The following RBMS3 variants were observed in gnomAD, a reference collection of about 807,000 sequenced individuals.
RBMS3 encodes RNA-binding motif, single-stranded-interacting protein 3.
In RBMS3, 27 loss-of-function variants were observed where a neutral mutation model predicts 66.8. That is an observed-to-expected ratio of 0.40 (90% CI 0.30 to 0.56). The LOEUF (loss-of-function observed/expected upper bound fraction) is 0.56, where lower values mean the gene tolerates loss of function less well. Among genes scored for constraint, RBMS3 ranks in the 20% least tolerant of loss-of-function variants. The pLI is 0.40. For synonymous variants in RBMS3, 188 were observed against 183.0 expected, an observed-to-expected ratio of 1.03 and a Z score of -0.22; for missense variants, 513 against 549.5, an observed-to-expected ratio of 0.93 and a Z score of 0.66.
chr3:29,453,402 C>G (rs1017262969), intron 2 of RBMS3, among the ~76,000 whole-genome samples: 1 of 152,174 alleles, frequency 6.6e-6, no homozygotes, highest in Non-Finnish European at 1.5e-5. Flanking sequence ...GACCTGGTGC[C>G]AGCCTAATGG....
intron 11 of RBMS3, among the ~76,000 whole-genome samples, chr3:29,939,656 G>A (rs1355756338): frequency 6.6e-6 from 1 of 151,820 alleles, no homozygotes; most frequent in Non-Finnish European, 1.5e-5. Context: ...GTTCTCCTCA[G>A]ACCTCTCTGG....
intron 6 of RBMS3, among the ~76,000 whole-genome samples, chr3:29,866,905 G>A (rs1377009127): frequency 6.6e-6 from 1 of 152,110 alleles, no homozygotes; most frequent in East Asian, 1.9e-4. Context: ...GTGAGGCAAT[G>A]ATATTTATTG....
At chr3:29,321,425 C>G (rs973918146) in intron 1 of RBMS3, among the ~76,000 whole-genome samples, 1 of 151,930 alleles carries the variant, frequency 6.6e-6, no homozygotes, top group African/African-American at 2.4e-5. Context: ...TAATTTGAAC[C>G]CACAAAGATA....
chr3:29,473,048 T>C (rs2042801379), intron 2 of RBMS3, among the ~76,000 whole-genome samples: 1 of 149,382 alleles, frequency 6.7e-6, no homozygotes, highest in Non-Finnish European at 1.5e-5. Context: ...TGTAGATTGG[T>C]GCATTCACAA....
intron 4 of RBMS3, among the ~76,000 whole-genome samples, chr3:29,633,884 G>T (rs971231256): frequency 3.3e-5 from 5 of 151,580 alleles, no homozygotes; most frequent in East Asian, 1.9e-4. Flanking sequence ...AGTATATAAA[G>T]ACTTCATTTA....
At chr3:29,468,427 C>T (rs1020791263) in intron 2 of RBMS3, among the ~76,000 whole-genome samples, 2 of 152,130 alleles carry the variant, frequency 1.3e-5, no homozygotes, top group African/African-American at 4.8e-5. Context: ...AGAAAAACAT[C>T]ATGTGGCATT....
intron 3 of RBMS3, among the ~76,000 whole-genome samples, chr3:29,585,302 T>G (rs2047478238): frequency 6.6e-6 from 1 of 152,198 alleles, no homozygotes; most frequent in African/African-American, 2.4e-5. Context: ...TTATCTTATA[T>G]GGAATTGTTT....
chr3:29,689,214 T>G (rs1353410018), intron 4 of RBMS3, among the ~76,000 whole-genome samples: 1 of 152,150 alleles, frequency 6.6e-6, no homozygotes. Flanking sequence ...AAATTTAAAC[T>G]TATTTATTAT....
At chr3:29,915,647 T>C (rs2060622087) in intron 10 of RBMS3, among the ~76,000 whole-genome samples, 1 of 151,970 alleles carries the variant, frequency 6.6e-6, no homozygotes, top group Non-Finnish European at 1.5e-5. Context: ...AAACCGAAAT[T>C]GTCAAGAGTG....
At chr3:29,668,555 C>G (rs1006963899) in intron 4 of RBMS3, among the ~76,000 whole-genome samples, 1 of 152,110 alleles carries the variant, frequency 6.6e-6, no homozygotes, top group Non-Finnish European at 1.5e-5. Flanking sequence ...CTTTCAGTAT[C>G]CCACTAGTAA....
At position 29,597,764 on chromosome 3, in the gene RBMS3, G is replaced by A. The variant is rs537455611; in HGVS notation, c.399+10559G>A. Among the ~76,000 whole-genome samples, 4 of 151,872 alleles carry A rather than the reference G, an allele frequency of 2.6e-5. No individual in the cohort carries two copies. In the South Asian group the frequency reaches 8.3e-4, roughly 32 times the overall value. ...TTTTTTTTTCACTTTTCTGTGAAAG[G>A]ACATTAGCAATATCATACCTTTCTA... On this transcript the variant is annotated intron_variant, in intron 4 of 14. Transcript: ENST00000383767.
chr3:29,511,916 T>G (rs776461860), intron 3 of RBMS3, among the ~76,000 whole-genome samples: 1 of 152,120 alleles, frequency 6.6e-6, no homozygotes, highest in South Asian at 2.1e-4. Context: ...GGGTTTGGAA[T>G]TCCCTGGAGA....
At chr3:29,730,876 C>A in intron 4 of RBMS3, 1 of 984,772 alleles carries the variant, frequency 1.0e-6, no homozygotes, top group Non-Finnish European at 1.2e-6. Flanking sequence ...GTTAATTTAG[C>A]ATTTTCTCAC....
intron 4 of RBMS3, among the ~76,000 whole-genome samples, chr3:29,736,665 G>A (rs1023746871): frequency 1.3e-5 from 2 of 152,170 alleles, no homozygotes; most frequent in African/African-American, 4.8e-5. Flanking sequence ...AAGCTCTGGG[G>A]CACGTATTTC....
Position 29,367,268 on chromosome 3 carries a change from T to A in RBMS3, c.76-67475T>A, listed in dbSNP as rs180754980. On this transcript the variant is annotated intron_variant, in intron 1 of 14. Transcript: ENST00000383767. ...CCTAATTCAAATAATATGTAAGTAT[T>A]CAGTTATTTTACATATCTATGTATA... is the stretch of plus-strand genomic sequence containing the variant. Among the ~76,000 whole-genome samples, 564 of 152,242 alleles carry A rather than the reference T, an allele frequency of 3.7e-3. 1 individual carries two copies. Among genetic ancestry groups the A allele is most frequent in the African/African-American group, 0.013 (529 of 41,568 alleles).
At chr3:29,326,001 A>G (rs2035314272) in intron 1 of RBMS3, among the ~76,000 whole-genome samples, 1 of 152,026 alleles carries the variant, frequency 6.6e-6, no homozygotes, top group Non-Finnish European at 1.5e-5. Context: ...TCACCTTTCC[A>G]TCCTTGCTTT....
chr3:29,283,490 T>TA (rs1278774224), intron 1 of RBMS3, among the ~76,000 whole-genome samples: 1 of 151,170 alleles, frequency 6.6e-6, no homozygotes, highest in Non-Finnish European at 1.5e-5. Flanking sequence ...AGATGGGGGG[T>TA]AAAGAGAGAG....
At chr3:29,469,132 T>C (rs554780111) in intron 2 of RBMS3, among the ~76,000 whole-genome samples, 1 of 152,280 alleles carries the variant, frequency 6.6e-6, no homozygotes, top group East Asian at 1.9e-4. Context: ...AATTTAGATT[T>C]GTCCATCAAG....
At chr3:29,316,939 T>C (rs1575530579) in intron 1 of RBMS3, among the ~76,000 whole-genome samples, 1 of 151,766 alleles carries the variant, frequency 6.6e-6, no homozygotes, top group Admixed American at 6.6e-5. Context: ...ATACTGGAGA[T>C]ATTGACATAC....
Sources: gnomAD v4.1 joint callset for allele counts (sites outside exome capture counted in the v4.1 genomes callset) on GRCh38, gnomAD v4.1.1 for gene constraint, MANE v1.5 for transcripts, NCBI Gene and HGNC (gene_info 2026-07-23, HGNC 2026-07-21) for gene names.